Variants in PKD1L1 observed in about 807,000 individuals in gnomAD.
PKD1L1 encodes the protein polycystin 1 like 1, transient receptor potential channel interacting.
A neutral mutation model predicts 323.4 loss-of-function variants in PKD1L1; 236 were observed. The ratio of observed to expected loss-of-function variants is 0.73; its 90% CI spans 0.66 to 0.81. PKD1L1 has a LOEUF of 0.81. Ranked by LOEUF, PKD1L1 falls within the 40% of genes least tolerant of loss-of-function variation. PKD1L1 has a pLI of 0.00. For synonymous variants in PKD1L1, 1,344 were observed against 1,335.0 expected (o/e 1.01, Z -0.15); for missense variants, 3,320 against 3,508.0 (o/e 0.95, Z 1.35).
Position 47,840,337 on chromosome 7 carries a change from T to C in PKD1L1, c.5552+124A>G. 1.6e-6 allele frequency: 1 copy of C among 634,924 alleles called. No homozygotes were observed. Among genetic ancestry groups the C allele is most frequent in the Non-Finnish European group, 2.8e-6 (1 of 360,794 alleles). 39.3% of individuals were successfully genotyped at this position (634,924 alleles called of 1,614,324 possible). A position where few individuals can be genotyped will look rare whatever the true frequency, so the allele number is the denominator to read the frequency against. ...AATACATCATAAAATTGTTTGTATA[T>C]AAATCGATGCTCACTATTAGAGACC... On this transcript the variant is annotated intron_variant, in intron 35 of 56. Coordinates refer to ENST00000289672, the MANE Select transcript of PKD1L1 (RefSeq NM_138295.5). The surrounding 1 kb of genome is among the most constrained non-coding windows in gnomAD (Gnocchi z 4.1).
intron 54 of PKD1L1, among the ~76,000 whole-genome samples, chr7:47,798,087 C>T (rs1362707509): frequency 6.6e-6 from 1 of 152,068 alleles, no homozygotes; most frequent in South Asian, 2.1e-4. Context: ...AAGATAGTAA[C>T]AAGATGATTC....
intron 24 of PKD1L1, 68 bp downstream of exon 24, chr7:47,873,831 G>T: frequency 8.2e-7 from 1 of 1,225,702 alleles, no homozygotes; most frequent in East Asian, 2.4e-5. Flanking sequence ...TAACAACTTG[G>T]GGGAGAGCCA....
chr7:47,905,712 C>A, intron 10 of PKD1L1, 131 bp downstream of exon 10: 2 of 1,266,678 alleles, frequency 1.6e-6, no homozygotes, highest in South Asian at 2.8e-5. Context: ...GAACAAAGAA[C>A]CTGTTCAATG....
intron 8 of PKD1L1, among the ~76,000 whole-genome samples, chr7:47,913,322 G>A (rs538792386): frequency 4.9e-4 from 75 of 152,290 alleles, no homozygotes; most frequent in African/African-American, 1.7e-3. Flanking sequence ...AGTGAGGACC[G>A]AATATATTAG....
At chr7:47,830,963 C>T (rs1057295391) in intron 42 of PKD1L1, among the ~76,000 whole-genome samples, 1 of 152,198 alleles carries the variant, frequency 6.6e-6, no homozygotes, top group African/African-American at 2.4e-5. Flanking sequence ...GGGCGTCCTG[C>T]AGCTTCTTGT....
chr7:47,846,352 G>C (rs1785664678), intron 32 of PKD1L1, among the ~76,000 whole-genome samples: 1 of 152,164 alleles, frequency 6.6e-6, no homozygotes, highest in Admixed American at 6.5e-5. Flanking sequence ...AGAAATTCCT[G>C]AGGAGGCTGT....
intron 22 of PKD1L1, among the ~76,000 whole-genome samples, chr7:47,877,119 G>C (rs1583640063): frequency 1.3e-5 from 2 of 150,552 alleles, no homozygotes; most frequent in African/African-American, 4.9e-5. Flanking sequence ...TTAGAAATGT[G>C]CCTGGGGAGG....
intron 41 of PKD1L1, among the ~76,000 whole-genome samples, chr7:47,832,244 T>A (rs557912629): frequency 1.3e-5 from 2 of 152,298 alleles, no homozygotes; most frequent in African/African-American, 4.8e-5. Flanking sequence ...CGGTGGCTGG[T>A]CTGCCAGTGT....
Position 47,829,522 on chromosome 7 carries a change from G to A in PKD1L1, c.6638C>T (p.Thr2213Ile), listed in dbSNP as rs368628047. 2.1e-4 allele frequency: 339 copies of A among 1,613,992 alleles called. No homozygotes were observed. The highest frequency in any genetic ancestry group is 2.8e-4 in the Non-Finnish European group (330 of 1,180,042). ...TGCCAATTCAGAGTCCAGATCCCTG[G>A]TAGCCTCACATAAAGACTCAGTAAA... Reference protein sequence around the residue: ...HFFTESLCEATRDLDSELAER... With the variant: ...HFFTESLCEAIRDLDSELAER... Residue 2213 changes from threonine (T) to isoleucine (I), a missense_variant, in exon 44 of 57, where the codon ACC becomes ATC. Physicochemically the swap from Thr to Ile is moderately conservative, Grantham distance 89. Transcript: ENST00000289672.
chr7:47,838,729 T>G (rs1785505320), intron 36 of PKD1L1, among the ~76,000 whole-genome samples: 2 of 151,648 alleles, frequency 1.3e-5, no homozygotes, highest in South Asian at 4.2e-4. Flanking sequence ...AATACAAAAA[T>G]TAGCCGGGCA....
At chr7:47,803,978 T>C (rs1784721943) in intron 52 of PKD1L1, among the ~76,000 whole-genome samples, 1 of 152,034 alleles carries the variant, frequency 6.6e-6, no homozygotes, top group South Asian at 2.1e-4. Context: ...TGCTCCCTTC[T>C]CCCCTCCCTA....
intron 45 of PKD1L1, among the ~76,000 whole-genome samples, chr7:47,822,859 A>G (rs1785174326): frequency 6.6e-6 from 1 of 151,920 alleles, no homozygotes; most frequent in South Asian, 2.1e-4. Flanking sequence ...TTAAATTTCA[A>G]TTGTTCATTA....
At chr7:47,779,990 T>C (rs900403893) in intron 56 of PKD1L1, among the ~76,000 whole-genome samples, 6 of 152,096 alleles carry the variant, frequency 3.9e-5, no homozygotes, top group East Asian at 1.9e-4. Flanking sequence ...TTTCAACTTA[T>C]TGTAATTTTG....
intron 8 of PKD1L1, among the ~76,000 whole-genome samples, chr7:47,912,289 A>G (rs1583668476): frequency 6.6e-6 from 1 of 152,198 alleles, no homozygotes; most frequent in Non-Finnish European, 1.5e-5. Context: ...GATCAGATGA[A>G]AAAGGAAAAA....
At chr7:47,831,187 T>A (rs1224179871) in intron 42 of PKD1L1, 30 bp downstream of exon 42, 36 of 1,600,374 alleles carry the variant, frequency 2.2e-5, no homozygotes, top group Non-Finnish European at 3.1e-5. Flanking sequence ...TCTGAGGACC[T>A]GAGGATGTTT....
intron 51 of PKD1L1, chr7:47,809,212 G>T: frequency 3.4e-6 from 1 of 290,818 alleles, no homozygotes. Flanking sequence ...ATGTCATTAG[G>T]TGACAGAAAT....
chr7:47,881,763 C>A (rs1400860140), intron 20 of PKD1L1, 146 bp downstream of exon 20: 4 of 785,084 alleles, frequency 5.1e-6, no homozygotes, highest in Non-Finnish European at 7.9e-6. Flanking sequence ...AGGCCATAGT[C>A]CATAGAAGAA....
At chr7:47,856,128 C>T (rs955193206) in intron 28 of PKD1L1, among the ~76,000 whole-genome samples, 2 of 151,992 alleles carry the variant, frequency 1.3e-5, no homozygotes, top group African/African-American at 4.8e-5. Flanking sequence ...ACCTCTGCCT[C>T]CCAGGTTCAA....
At chr7:47,939,691 G>A (rs1281242997) in intron 3 of PKD1L1, among the ~76,000 whole-genome samples, 5 of 152,280 alleles carry the variant, frequency 3.3e-5, no homozygotes, top group South Asian at 4.1e-4. Flanking sequence ...CCCACACTGC[G>A]CAAGTTAAGC....
Sources: allele counts gnomAD v4.1 joint callset (sites outside exome capture counted in the v4.1 genomes callset), GRCh38; gene constraint gnomAD v4.1.1; non-coding constraint Gnocchi (gnomAD v3.1); transcripts MANE v1.5; gene names NCBI Gene and HGNC (gene_info 2026-07-23, HGNC 2026-07-21).